The following PUS7 variants were observed in gnomAD, a reference collection of about 807,000 sequenced individuals.
PUS7 encodes pseudouridine synthase 7.
PUS7 carries 48 observed loss-of-function variants against 79.8 expected under a neutral mutation model. The ratio of observed to expected loss-of-function variants is 0.60; its 90% CI spans 0.48 to 0.76. PUS7 has a LOEUF of 0.76. Ranked by LOEUF, PUS7 falls within the 30% of genes least tolerant of loss-of-function variation. The pLI, the probability that PUS7 is intolerant of heterozygous loss-of-function variation, is 0.00. For missense variants in PUS7, 729 were observed against 797.6 expected, an observed-to-expected ratio of 0.91 and a Z score of 1.04; for synonymous variants, 286 against 272.2, an observed-to-expected ratio of 1.05 and a Z score of -0.50.
rs769099069 is a variant in PUS7 at position 105,465,411 on chromosome 7, G to A, written c.1529C>T (p.Thr510Ile). 1 of 1,603,622 alleles carries A rather than the reference G, an allele frequency of 6.2e-7. No homozygotes were observed. ...ATCATCTTCCTCAATATAGGTGGCT[G>A]TGGCTGTAAATTCACAAGTGAACAA... ...VPGDLVLKGA[T>I]ATYIEEDDVN... Residue 510 changes from threonine (T) to isoleucine (I), a missense_variant, in exon 13 of 16, where the codon ACA becomes ATA. By Grantham distance (89) the Thr-to-Ile change is moderately conservative. Transcript: ENST00000469408.
rs1823234161 is a variant in PUS7 at position 105,457,439 on chromosome 7, ATG to A, written c.*349_*350del. 5.9e-6 allele frequency: 1 copy of A among 168,734 alleles called. No homozygotes were observed. Among genetic ancestry groups the A allele is most frequent in the African/African-American group, 2.4e-5 (1 of 41,822 alleles). The allele number at this position is 168,734 out of a possible 1,614,324, so 10.5% of individuals were successfully genotyped here. The stretch of plus-strand genomic sequence containing the variant: ...TGCATTGTTGTATACTCCATCACAG[ATG>A]TGTCAAATACTCCTGCTGTCTTTTG... On this transcript the variant is annotated 3_prime_UTR_variant, in exon 16 of 16. Transcript: ENST00000469408.
chr7:105,516,564 C>T (rs1196552260), intron 1 of PUS7, among the ~76,000 whole-genome samples: 1 of 152,052 alleles, frequency 6.6e-6, no homozygotes, highest in Non-Finnish European at 1.5e-5. Context: ...AGTGATTCTC[C>T]TGCCTCAGCT....
chr7:105,472,305 C>G lies in PUS7; in HGVS notation c.1176-112G>C, dbSNP rs563739378. The G allele has an allele frequency of 2.4e-5, 15 of 624,844 alleles. No individual in the cohort carries two copies. In the East Asian group the frequency reaches 4.3e-4, roughly 18 times the overall value. 38.7% of individuals were successfully genotyped at this position (624,844 alleles called of 1,614,324 possible). A position where few individuals can be genotyped will look rare whatever the true frequency, so the allele number is the denominator to read the frequency against. ...ATTAACTATACACCGAAGCCTTGAC[C>G]TCCCAGGCTCTACTCCCAGGCTCTA... On this transcript the variant is annotated intron_variant, in intron 9 of 15. Transcript: ENST00000469408.
Position 105,474,730 on chromosome 7 carries a change from G to A in PUS7, c.1176-2537C>T, listed in dbSNP as rs993739846. Among the ~76,000 whole-genome samples, 5 of 152,112 alleles carry A rather than the reference G, an allele frequency of 3.3e-5. No individual in the cohort carries two copies. The East Asian group carries it at 9.6e-4, about 29-fold the overall frequency. ...CAGGAGGCGGAGGTTGCAGTGAGCC[G>A]AGATGGTGCCACTGCACTCCAGCCT... is the stretch of plus-strand genomic sequence containing the variant. On this transcript the variant is annotated intron_variant, in intron 9 of 15. Coordinates refer to ENST00000469408, the MANE Select transcript of PUS7 (RefSeq NM_019042.5).
intron 13 of PUS7, among the ~76,000 whole-genome samples, 168 bp from the exon 14 acceptor site, chr7:105,462,918 T>C (rs759806462): frequency 5.2e-4 from 79 of 152,220 alleles, no homozygotes; most frequent in Non-Finnish European, 1.0e-3. Flanking sequence ...ATTTAGTGAC[T>C]TAGTAACTAG....
chr7:105,489,147 C>CAAAAAAAAA (rs762504334), intron 7 of PUS7, among the ~76,000 whole-genome samples: 18 of 33,576 alleles, frequency 5.4e-4, no homozygotes, highest in African/African-American at 7.4e-4. Context: ...AACTCCATCT[C>CAAAAAAAAA]AAAAAAAAAA....
intron 11 of PUS7, among the ~76,000 whole-genome samples, chr7:105,468,794 A>C (rs933219508): frequency 6.6e-6 from 1 of 152,174 alleles, no homozygotes; most frequent in African/African-American, 2.4e-5. Flanking sequence ...CTGGAATTAC[A>C]GGCGTGAGCC....
At chr7:105,517,184 T>A (rs1169180314) in intron 1 of PUS7, among the ~76,000 whole-genome samples, 1 of 151,788 alleles carries the variant, frequency 6.6e-6, no homozygotes, top group Non-Finnish European at 1.5e-5. Context: ...GGCGATGGAG[T>A]CTTACCCTGT....
chr7:105,514,123 C>T (rs1182374797), intron 1 of PUS7, among the ~76,000 whole-genome samples: 1 of 135,608 alleles, frequency 7.4e-6, no homozygotes, highest in Middle Eastern at 4.7e-3. Context: ...CCCAGCTACT[C>T]GGGAGGCTGA....
chr7:105,517,316 A>T (rs966149827), intron 1 of PUS7, among the ~76,000 whole-genome samples: 87 of 151,936 alleles, frequency 5.7e-4, no homozygotes, highest in Non-Finnish European at 2.9e-4. Flanking sequence ...ATGCGCCAAC[A>T]CGCCTGGCTA....
At position 105,482,445 on chromosome 7, in the gene PUS7, A is replaced by T. The variant is rs751245586; in HGVS notation, c.921-5T>A. On this transcript the variant is annotated splice_region_variant and splice_polypyrimidine_tract_variant and intron_variant, in intron 7 of 15. Transcript: ENST00000469408. ...GCAAGTCTTTGTGCAGTTATTCTTT[A>T]AAAAAAAAAAAAAAAGCAACAAAAC... 84 of 145,270 alleles carry T rather than the reference A, an allele frequency of 5.8e-4. No individual in the cohort carries two copies. Among genetic ancestry groups the T allele is most frequent in the South Asian group, 2.0e-3 (9 of 4,522 alleles). 9.0% of individuals were successfully genotyped at this position (145,270 alleles called of 1,614,324 possible).
In PUS7 at chr7:105,457,361, C is replaced by G. The variant is rs1823229734; in HGVS notation, c.*429G>C. 6.5e-6 allele frequency: 1 copy of G among 152,742 alleles called. No homozygotes were observed. The highest frequency in any genetic ancestry group is 1.5e-5 in the Non-Finnish European group (1 of 68,532). The allele number at this position is 152,742 out of a possible 1,614,324, so 9.5% of individuals were successfully genotyped here. On this transcript the variant is annotated 3_prime_UTR_variant, in exon 16 of 16. Coordinates refer to ENST00000469408, the MANE Select transcript of PUS7 (RefSeq NM_019042.5). ...GTATTTATATTTGTGGGTGGCAGCT[C>G]TCAAATTATTTATCCATAGTCCAGA...
chr7:105,457,953 G>T, intron 15 of PUS7, 27 bp from the exon 16 acceptor site: 1 of 1,609,748 alleles, frequency 6.2e-7, no homozygotes, highest in Non-Finnish European at 8.5e-7. Context: ...AAAACAGTCA[G>T]AAAATGAAGG....
At chr7:105,504,132 C>T (rs1178147913) in intron 4 of PUS7, among the ~76,000 whole-genome samples, 4 of 147,530 alleles carry the variant, frequency 2.7e-5, no homozygotes, top group South Asian at 2.3e-4. Flanking sequence ...TGCAATGGCA[C>T]GATCTCGGCT....
At chr7:105,480,645 G>A (rs192585350) in intron 9 of PUS7, among the ~76,000 whole-genome samples, 9 of 151,944 alleles carry the variant, frequency 5.9e-5, no homozygotes, top group African/African-American at 2.2e-4. Context: ...TCATGGTGGC[G>A]CATGCCTGTA....
At chr7:105,501,637 T>C (rs368181409) in intron 5 of PUS7, among the ~76,000 whole-genome samples, 19 of 152,052 alleles carry the variant, frequency 1.2e-4, no homozygotes, top group African/African-American at 4.6e-4. Context: ...TATAGGGGCC[T>C]GGCAAAAAAA....
chr7:105,518,290 G>C (rs1032455082), intron 1 of PUS7, among the ~76,000 whole-genome samples: 40 of 151,824 alleles, frequency 2.6e-4, no homozygotes, highest in African/African-American at 9.2e-4. Flanking sequence ...TTCAGCCTGG[G>C]TGACAGAAAG....
chr7:105,511,675 C>T (rs1048799220), intron 1 of PUS7, among the ~76,000 whole-genome samples: 3 of 151,878 alleles, frequency 2.0e-5, no homozygotes, highest in Admixed American at 1.3e-4. Flanking sequence ...GCAGGAGAAT[C>T]GTTTGAACCC....
At chr7:105,516,524 G>A (rs1353716106) in intron 1 of PUS7, among the ~76,000 whole-genome samples, 3 of 152,012 alleles carry the variant, frequency 2.0e-5, no homozygotes, top group East Asian at 3.9e-4. Context: ...GCTGATCTCG[G>A]CTCACAGCAA....
Sources: allele counts gnomAD v4.1 joint callset (sites outside exome capture counted in the v4.1 genomes callset), GRCh38; gene constraint gnomAD v4.1.1; transcripts MANE v1.5; gene names NCBI Gene and HGNC (gene_info 2026-07-23, HGNC 2026-07-21).